TLR5: variants seen among roughly 807,000 people sequenced by gnomAD.
TLR5 encodes toll-like receptor 5.
For synonymous variants in TLR5, 373 were observed against 384.4 expected, an observed-to-expected ratio of 0.97 and a Z score of 0.35; for missense variants, 944 against 999.8, an observed-to-expected ratio of 0.94 and a Z score of 0.75.
intron 5 of TLR5, chr1:223,129,110 A>T (rs1463331598): frequency 6.6e-6 from 1 of 151,806 alleles, no homozygotes; most frequent in East Asian, 1.9e-4. Context: ...ATGCCTCCCC[A>T]CCATTCCAGG....
At chr1:223,120,413 T>C (rs1656902987) in intron 5 of TLR5, among the ~76,000 whole-genome samples, 1 of 152,102 alleles carries the variant, frequency 6.6e-6, no homozygotes, top group South Asian at 2.1e-4. Flanking sequence ...AGGCTTTGAG[T>C]TGTCCTACCT....
At position 223,109,416 on chromosome 1, in the gene TLR5, A is replaced by G. The variant is rs1656212339; in HGVS notation, c.*1039T>C. On this transcript the variant is annotated 3_prime_UTR_variant, in exon 6 of 6. Transcript: ENST00000642603. ...AAAAAGAACAGAATGGAAAATACAC[A>G]TAGATTTCATTTAAGATAAAAAAAT... 1 of 152,154 alleles carries G rather than the reference A, an allele frequency of 6.6e-6. No homozygotes were observed. The highest frequency in any genetic ancestry group is 2.4e-5 in the African/African-American group (1 of 41,430). 9.4% of individuals were successfully genotyped at this position (152,154 alleles called of 1,614,324 possible). A position where few individuals can be genotyped will look rare whatever the true frequency, so the allele number is the denominator to read the frequency against.
intron 5 of TLR5, among the ~76,000 whole-genome samples, chr1:223,116,589 C>T (rs545165425): frequency 7.9e-5 from 12 of 152,290 alleles, no homozygotes; most frequent in East Asian, 1.9e-4. Context: ...GTGTGAAAGA[C>T]GACCGCAGTG....
At chr1:223,124,000 T>A (rs1372426064) in intron 5 of TLR5, 1 of 152,232 alleles carries the variant, frequency 6.6e-6, no homozygotes, top group Non-Finnish European at 1.5e-5. Flanking sequence ...ATGTGTATAA[T>A]TACATCTACA....
At chr1:223,132,954 A>T (rs1255934695) in intron 4 of TLR5, among the ~76,000 whole-genome samples, 1 of 152,182 alleles carries the variant, frequency 6.6e-6, no homozygotes, top group Non-Finnish European at 1.5e-5. Context: ...GTTTCCAAAG[A>T]CTCAAGCACA....
rs374409559 is a variant in TLR5, at chr1:223,113,130, C to T, written c.-4-95G>A. 66 of 1,246,800 alleles carry T rather than the reference C, an allele frequency of 5.3e-5. No homozygotes were observed. The African/African-American group carries it at 9.0e-4, about 17-fold the overall frequency. The allele number at this position is 1,246,800 out of a possible 1,614,324, so 77.2% of individuals were successfully genotyped here. A position where few individuals can be genotyped will look rare whatever the true frequency, so the allele number is the denominator to read the frequency against. ...CTTGGGGGTATTCTCTATGATGTGC[C>T]TGCTCCCTTTGACCCCTTCATTCCT... On this transcript the variant is annotated intron_variant, in intron 5 of 5. Coordinates refer to ENST00000642603, the MANE Select transcript of TLR5 (RefSeq NM_003268.6).
chr1:223,125,130 G>T (rs1571749596), intron 5 of TLR5, among the ~76,000 whole-genome samples: 2 of 152,232 alleles, frequency 1.3e-5, no homozygotes, highest in African/African-American at 4.8e-5. Context: ...TCACATTCTT[G>T]AATATGTTAA....
In TLR5 at chr1:223,110,681, T is replaced by C; in HGVS notation, c.2351A>G (p.Asn784Ser). The part of the protein sequence containing the change: ...YAQGRCLSDL[N>S]SALIMVVVGS... The stretch of plus-strand genomic sequence containing the variant: ...AACCACCACCATGATGAGAGCACTG[T>C]TAAGGTCAGATAAGCACCTGCCCTG... Residue 784 changes from asparagine to serine, a missense_variant, in exon 6 of 6, where the codon AAC (asparagine) becomes AGC (serine). Coordinates refer to ENST00000642603, the MANE Select transcript of TLR5 (RefSeq NM_003268.6). The C allele has an allele frequency of 3.7e-6, 6 of 1,614,198 alleles. No homozygotes were observed. Among genetic ancestry groups the C allele is most frequent in the Non-Finnish European group, 5.1e-6 (6 of 1,180,022 alleles).
intron 5 of TLR5, among the ~76,000 whole-genome samples, chr1:223,119,499 C>T (rs1656832792): frequency 6.7e-6 from 1 of 150,308 alleles, no homozygotes; most frequent in South Asian, 2.1e-4. Context: ...AAGCACATTC[C>T]AAAAAAAAAC....
chr1:223,133,286 C>T (rs1657465745), intron 4 of TLR5, among the ~76,000 whole-genome samples: 1 of 152,176 alleles, frequency 6.6e-6, no homozygotes, highest in Non-Finnish European at 1.5e-5. Context: ...GGATTTGAAT[C>T]CCGCTGCAAA....
At chr1:223,142,879 C>T (rs1458547881) in intron 1 of TLR5, among the ~76,000 whole-genome samples, 1 of 152,158 alleles carries the variant, frequency 6.6e-6, no homozygotes, top group African/African-American at 2.4e-5. Context: ...GAAGGACCCG[C>T]TCTGTTTCAA....
intron 5 of TLR5, among the ~76,000 whole-genome samples, chr1:223,121,366 C>T (rs1656946646): frequency 6.6e-6 from 1 of 152,184 alleles, no homozygotes; most frequent in South Asian, 2.1e-4. Flanking sequence ...GAGGTCATTT[C>T]AAATATTTGT....
chr1:223,130,877 G>A (rs551284066), intron 5 of TLR5, among the ~76,000 whole-genome samples: 1 of 152,308 alleles, frequency 6.6e-6, no homozygotes, highest in African/African-American at 2.4e-5. Flanking sequence ...ATCTAACCAG[G>A]AGGGTGAGGT....
At chr1:223,133,850 G>T (rs1306714023) in intron 4 of TLR5, among the ~76,000 whole-genome samples, 1 of 152,176 alleles carries the variant, frequency 6.6e-6, no homozygotes, top group Non-Finnish European at 1.5e-5. Context: ...AGCAGAGGGC[G>T]CAAAAGGGGC....
Position 223,131,816 on chromosome 1 carries a change from A to T in TLR5, c.-5+659T>A, listed in dbSNP as rs1657405072. On this transcript the variant is annotated intron_variant, in intron 5 of 5. Coordinates refer to ENST00000642603, the MANE Select transcript of TLR5 (RefSeq NM_003268.6). This position sits in a 1 kb window ranked among gnomAD's most constrained non-coding sequence, Gnocchi z 4.2. ...GACTGGTCTCGAACTCCTGGGATCC[A>T]GCGATCCACCTGCCTCGGCCTCCCA... is the stretch of plus-strand genomic sequence containing the variant. 6.6e-6 allele frequency among the ~76,000 whole-genome samples: 1 copy of T among 151,996 alleles called. No homozygotes were observed. The highest frequency in any genetic ancestry group is 2.1e-4 in the South Asian group (1 of 4,814).
intron 5 of TLR5, among the ~76,000 whole-genome samples, chr1:223,118,228 T>G (rs1656774703): frequency 6.6e-6 from 1 of 152,234 alleles, no homozygotes; most frequent in Non-Finnish European, 1.5e-5. Context: ...TTTAAAATTT[T>G]TCTAATTGGC....
rs556467586 is a variant in TLR5 at position 223,136,854 on chromosome 1, G to A, written c.-353+324C>T. On this transcript the variant is annotated intron_variant, in intron 3 of 5. Coordinates refer to ENST00000642603, the MANE Select transcript of TLR5 (RefSeq NM_003268.6). ...TTTAAATTTTTTTTTTTGAGACAGA[G>A]TCTCACTCTGTCACCCAGGCTAGAG... is the stretch of plus-strand genomic sequence containing the variant. 5.9e-5 allele frequency among the ~76,000 whole-genome samples: 9 copies of A among 151,810 alleles called. No homozygotes were observed. The East Asian group carries it at 1.6e-3, about 26-fold the overall frequency.
At chr1:223,113,175 T>C (rs930205880) in intron 5 of TLR5, 140 bp from the exon 6 acceptor site, 3 of 817,354 alleles carry the variant, frequency 3.7e-6, no homozygotes, top group African/African-American at 3.4e-5. Flanking sequence ...CAGACGTGGC[T>C]GTTGGCAGAT....
At chr1:223,139,586 A>G (rs1213836188) in intron 2 of TLR5, among the ~76,000 whole-genome samples, 3 of 152,176 alleles carry the variant, frequency 2.0e-5, no homozygotes, top group African/African-American at 7.2e-5. Flanking sequence ...ACAAAGGAGA[A>G]GAGAGAGCCT....
Sources: gnomAD v4.1 joint callset for allele counts (sites outside exome capture counted in the v4.1 genomes callset) on GRCh38, gnomAD v4.1.1 for gene constraint, Gnocchi (gnomAD v3.1) non-coding constraint, MANE v1.5 for transcripts, NCBI Gene and HGNC (gene_info 2026-07-23, HGNC 2026-07-21) for gene names.